Variants in ADAM10 observed in about 807,000 individuals in gnomAD.
The protein encoded by ADAM10 is ADAM metallopeptidase domain 10, also known as disintegrin and metalloproteinase domain-containing protein 10.
In ADAM10, 17 loss-of-function variants were observed where a neutral mutation model predicts 90.1. The ratio of observed to expected loss-of-function variants is 0.19; its 90% CI spans 0.13 to 0.28. The LOEUF (loss-of-function observed/expected upper bound fraction) is 0.28. Among genes scored for constraint, ADAM10 ranks in the 10% least tolerant of loss-of-function variants. ADAM10 has a pLI of 1.00. For missense variants in ADAM10, 610 were observed against 914.3 expected, an observed-to-expected ratio of 0.67 and a Z score of 4.29; for synonymous variants, 310 against 298.6, an observed-to-expected ratio of 1.04 and a Z score of -0.40.
intron 1 of ADAM10, among the ~76,000 whole-genome samples, chr15:58,730,635 T>C (rs1899204638): frequency 6.6e-6 from 1 of 152,164 alleles, no homozygotes; most frequent in African/African-American, 2.4e-5. Context: ...CTGTGTTAGT[T>C]AATTTTAGGT....
intron 2 of ADAM10, chr15:58,686,345 T>A: frequency 1.5e-6 from 1 of 663,672 alleles, no homozygotes; most frequent in Non-Finnish European, 2.6e-6. Context: ...GAATAAAGGC[T>A]ACTTCAAACC....
At chr15:58,630,788 T>C (rs1896079806) in intron 9 of ADAM10, among the ~76,000 whole-genome samples, 1 of 152,152 alleles carries the variant, frequency 6.6e-6, no homozygotes, top group African/African-American at 2.4e-5. Context: ...CAGGTTCAGG[T>C]GTTTATGATT....
chr15:58,671,522 C>T (rs907573881), intron 4 of ADAM10, among the ~76,000 whole-genome samples: 19 of 152,266 alleles, frequency 1.2e-4, no homozygotes, highest in Non-Finnish European at 1.8e-4. Flanking sequence ...AGGACATACA[C>T]GCACACATAC....
chr15:58,639,896 T>TTA (rs570545862), intron 8 of ADAM10, among the ~76,000 whole-genome samples: 2 of 148,988 alleles, frequency 1.3e-5, no homozygotes, highest in Non-Finnish European at 3.0e-5. Flanking sequence ...AAGTTTTTTT[T>TTA]AAAAAAAAAA....
intron 1 of ADAM10, among the ~76,000 whole-genome samples, chr15:58,741,127 G>A (rs1293191251): frequency 1.3e-5 from 2 of 152,146 alleles, no homozygotes; most frequent in African/African-American, 4.8e-5. Flanking sequence ...GTATGCACAC[G>A]TGTGTCCTGC....
intron 11 of ADAM10, among the ~76,000 whole-genome samples, chr15:58,617,452 A>G (rs1361319704): frequency 6.6e-6 from 1 of 152,202 alleles, no homozygotes; most frequent in African/African-American, 2.4e-5. Flanking sequence ...TTTCCCAACA[A>G]TACTTCCTGA....
At chr15:58,675,875 C>T (rs369775567) in intron 4 of ADAM10, among the ~76,000 whole-genome samples, 4 of 152,180 alleles carry the variant, frequency 2.6e-5, no homozygotes, top group African/African-American at 9.6e-5. Context: ...GTTAGTATGC[C>T]TCCCCTACCA....
chr15:58,639,714 A>C (rs1054784762), intron 8 of ADAM10, among the ~76,000 whole-genome samples: 3 of 152,146 alleles, frequency 2.0e-5, no homozygotes, highest in Non-Finnish European at 4.4e-5. Context: ...AAAACAAAAG[A>C]AGCTATGGAA....
At chr15:58,640,088 G>T (rs990538506) in intron 8 of ADAM10, among the ~76,000 whole-genome samples, 3 of 152,070 alleles carry the variant, frequency 2.0e-5, no homozygotes, top group Non-Finnish European at 4.4e-5. Flanking sequence ...GTAAATCACA[G>T]CTCCTCCACA....
intron 2 of ADAM10, chr15:58,692,264 G>A (rs531815594): frequency 6.6e-6 from 4 of 603,814 alleles, no homozygotes; most frequent in South Asian, 5.5e-5. Context: ...ACTGCCAAGT[G>A]GTCTTCCCAG....
At chr15:58,605,030 G>A (rs1471578336) in intron 14 of ADAM10, among the ~76,000 whole-genome samples, 2 of 152,128 alleles carry the variant, frequency 1.3e-5, no homozygotes, top group South Asian at 2.1e-4. Flanking sequence ...ATAAGCTACT[G>A]TACCTGGCCT....
rs1421881961 is a variant in ADAM10, at chr15:58,707,021, A to G, written c.206+10556T>C. On this transcript the variant is annotated intron_variant, in intron 2 of 15. Coordinates refer to ENST00000260408, the MANE Select transcript of ADAM10 (RefSeq NM_001110.4). Reference sequence around the variant, plus strand: ...GAGACTCCATCTCAAAAAAAAAAAAAAAAGAAAAGAAAAGATAAAAAGAAA... The same window carrying G: ...GAGACTCCATCTCAAAAAAAAAAAAGAAAGAAAAGAAAAGATAAAAAGAAA... Among the ~76,000 whole-genome samples, 3 of 149,420 alleles carry G rather than the reference A, an allele frequency of 2.0e-5. No individual in the cohort carries two copies. In the East Asian group the frequency reaches 5.9e-4, roughly 29 times the overall value.
Position 58,749,548 on chromosome 15 carries a change from TGCCGCCGCC to T in ADAM10, c.-23_-15del. On this transcript the variant is annotated 5_prime_UTR_variant, in exon 1 of 16. Coordinates refer to ENST00000260408, the MANE Select transcript of ADAM10 (RefSeq NM_001110.4). Reference sequence around the variant, plus strand: ...CAGCAACACCATCTTCCGCTGCCGCTGCCGCCGCCGCCGCCTCCTCACGGGTTAACAGCA... The same window carrying T: ...CAGCAACACCATCTTCCGCTGCCGCTGCCGCCTCCTCACGGGTTAACAGCA... 6.4e-7 allele frequency: 1 copy of T among 1,551,058 alleles called. No homozygotes were observed. The highest frequency in any genetic ancestry group is 1.2e-5 in the South Asian group (1 of 84,022).
Position 58,727,675 on chromosome 15 carries a change from C to T in ADAM10, c.56-9948G>A, listed in dbSNP as rs184514477. Among the ~76,000 whole-genome samples the T allele has an allele frequency of 9.1e-4, 139 of 152,008 alleles. 1 individual carries two copies. The highest frequency in any genetic ancestry group is 3.4e-3 in the Middle Eastern group (1 of 294). ...GAAAATGTAAATATATGCTAACAGA[C>T]ACAAAAATAAAGATGAGTTAAAGTA... is the stretch of plus-strand genomic sequence containing the variant. On this transcript the variant is annotated intron_variant, in intron 1 of 15. Transcript: ENST00000260408.
chr15:58,616,951 A>G (rs1245921440), intron 11 of ADAM10, among the ~76,000 whole-genome samples: 1 of 152,064 alleles, frequency 6.6e-6, no homozygotes, highest in East Asian at 1.9e-4. Flanking sequence ...TACTAAAAAC[A>G]CAAAAAAATT....
At chr15:58,684,238 A>G (rs985389805) in intron 2 of ADAM10, among the ~76,000 whole-genome samples, 3 of 152,224 alleles carry the variant, frequency 2.0e-5, no homozygotes, top group African/African-American at 7.2e-5. Flanking sequence ...GGCCAAATCT[A>G]TTTGACCTTT....
intron 5 of ADAM10, among the ~76,000 whole-genome samples, chr15:58,651,335 T>C (rs1824446667): frequency 6.6e-6 from 1 of 152,150 alleles, no homozygotes; most frequent in African/African-American, 2.4e-5. Context: ...TGCTTTCAAA[T>C]ACTAGGTCTT....
intron 1 of ADAM10, among the ~76,000 whole-genome samples, chr15:58,721,244 T>A (rs1433945781): frequency 6.6e-6 from 1 of 152,214 alleles, no homozygotes; most frequent in Non-Finnish European, 1.5e-5. Context: ...AAGACCTGAG[T>A]AATGATTTTC....
chr15:58,687,198 A>C (rs1489163375), intron 2 of ADAM10, among the ~76,000 whole-genome samples: 7 of 152,202 alleles, frequency 4.6e-5, no homozygotes, highest in African/African-American at 1.7e-4. Context: ...TTTTAACACT[A>C]ATTATGGGAG....
Sources: allele counts gnomAD v4.1 joint callset (sites outside exome capture counted in the v4.1 genomes callset), GRCh38; gene constraint gnomAD v4.1.1; transcripts MANE v1.5; gene names NCBI Gene and HGNC (gene_info 2026-07-23, HGNC 2026-07-21).